Variants in LRP12 observed in about 807,000 individuals in gnomAD.
The protein encoded by LRP12 is LDL receptor related protein 12.
Under a neutral mutation model 66.0 loss-of-function variants are expected in LRP12, and 14 were observed. The observed-to-expected ratio is 0.21, with a 90% CI of 0.14 to 0.33. The LOEUF is 0.33. Ranked by LOEUF, LRP12 falls within the 10% of genes least tolerant of loss-of-function variation. The pLI, the probability that LRP12 is intolerant of heterozygous loss-of-function variation, is 1.00. For missense variants in LRP12, 889 were observed against 1,053.4 expected, an observed-to-expected ratio of 0.84 and a Z score of 2.16; for synonymous variants, 357 against 359.1, an observed-to-expected ratio of 0.99 and a Z score of 0.07.
rs187224148 is a variant in LRP12 at position 104,574,914 on chromosome 8, C to G, written c.79+13905G>C. Among the ~76,000 whole-genome samples, 87 of 151,968 alleles carry G rather than the reference C, an allele frequency of 5.7e-4. 1 individual carries two copies. Among genetic ancestry groups the G allele is most frequent in the African/African-American group, 2.0e-3 (82 of 41,436 alleles). Reference sequence around the variant, plus strand: ...ATCTGAGATGCTTCTAAGAAGGGCACTTAGTTTTGAGGAACCAGGAAGACT... The same window carrying G: ...ATCTGAGATGCTTCTAAGAAGGGCAGTTAGTTTTGAGGAACCAGGAAGACT... On this transcript the variant is annotated intron_variant, in intron 1 of 6. Coordinates refer to ENST00000276654, the MANE Select transcript of LRP12 (RefSeq NM_013437.5).
At chr8:104,522,039 T>C (rs1811160606) in intron 2 of LRP12, among the ~76,000 whole-genome samples, 1 of 152,126 alleles carries the variant, frequency 6.6e-6, no homozygotes, top group South Asian at 2.1e-4. Flanking sequence ...GATTCTTTAT[T>C]TGGAAGATCT....
At chr8:104,580,245 G>A (rs769252205) in intron 1 of LRP12, among the ~76,000 whole-genome samples, 13 of 151,936 alleles carry the variant, frequency 8.6e-5, no homozygotes, top group Non-Finnish European at 1.5e-4. Flanking sequence ...GGCTGGGTGC[G>A]GTGGCTCACG....
In LRP12 at chr8:104,588,494, T is replaced by C. The variant is rs1812372419; in HGVS notation, c.79+325A>G. On this transcript the variant is annotated intron_variant, in intron 1 of 6. Coordinates refer to ENST00000276654, the MANE Select transcript of LRP12 (RefSeq NM_013437.5). ...TCTTTGTGTGTGGATTGTGCCAGGCTACGGGTCCTGGAGCAACTGGCCGCG... is the reference window on the plus strand; with the variant it reads ...TCTTTGTGTGTGGATTGTGCCAGGCCACGGGTCCTGGAGCAACTGGCCGCG... Among the ~76,000 whole-genome samples the C allele has an allele frequency of 2.6e-5, 4 of 152,276 alleles. No homozygotes were observed. The South Asian group carries it at 8.3e-4, about 32-fold the overall frequency.
intron 2 of LRP12, among the ~76,000 whole-genome samples, chr8:104,526,000 AT>A (rs1438460717): frequency 6.6e-6 from 1 of 152,218 alleles, no homozygotes; most frequent in Non-Finnish European, 1.5e-5. Context: ...TACAAAATCA[AT>A]TGTACAAAAA....
At chr8:104,513,570 G>A (rs914358954) in intron 2 of LRP12, among the ~76,000 whole-genome samples, 13 of 152,054 alleles carry the variant, frequency 8.5e-5, no homozygotes, top group Admixed American at 7.2e-4. Context: ...TGACCTCACC[G>A]CTAAATCCAA....
intron 1 of LRP12, among the ~76,000 whole-genome samples, chr8:104,575,792 T>C (rs891721996): frequency 1.3e-5 from 2 of 151,814 alleles, no homozygotes; most frequent in Non-Finnish European, 2.9e-5. Flanking sequence ...ATGACAGAAA[T>C]AGAAATTTGA....
chr8:104,548,367 AAATAT>A lies in LRP12; in HGVS notation c.80-16409_80-16405del, dbSNP rs1335362643. Among the ~76,000 whole-genome samples, 8 of 53,416 alleles carry A rather than the reference AAATAT, an allele frequency of 1.5e-4. 3 individuals carry two copies. The highest frequency in any genetic ancestry group is 9.8e-4 in the African/African-American group (8 of 8,160). The allele number at this position is 53,416 out of a possible 152,430, so 35.0% of individuals were successfully genotyped here. On this transcript the variant is annotated intron_variant, in intron 1 of 6. Coordinates refer to ENST00000276654, the MANE Select transcript of LRP12 (RefSeq NM_013437.5). ...TATAAATATATAATATATATTATAT[AAATAT>A]ATTATATAAATATATAATATATATT...
chr8:104,549,902 T>C (rs1222731690), intron 1 of LRP12, among the ~76,000 whole-genome samples: 1 of 152,186 alleles, frequency 6.6e-6, no homozygotes, highest in African/African-American at 2.4e-5. Flanking sequence ...CCTCAACCAC[T>C]ATTCTTAGTA....
At chr8:104,547,553 C>T (rs1200142428) in intron 1 of LRP12, among the ~76,000 whole-genome samples, 20 of 113,926 alleles carry the variant, frequency 1.8e-4, no homozygotes, top group Admixed American at 2.1e-4. Context: ...TATATAATTA[C>T]ATATTATATA....
intron 1 of LRP12, among the ~76,000 whole-genome samples, chr8:104,561,257 T>C (rs73295177): frequency 0.012 from 1,853 of 152,284 alleles, 36 homozygotes; most frequent in African/African-American, 0.042. Context: ...GGCTCAACAT[T>C]TTTGGCTGGA....
At chr8:104,574,373 A>G (rs1311814950) in intron 1 of LRP12, among the ~76,000 whole-genome samples, 5 of 152,220 alleles carry the variant, frequency 3.3e-5, no homozygotes, top group South Asian at 2.1e-4. Flanking sequence ...CTGCGACCCG[A>G]AAGTTTGGAA....
Position 104,491,223 on chromosome 8 carries a change from T to G in LRP12, c.2030A>C (p.Gln677Pro). 6.2e-7 allele frequency: 1 copy of G among 1,614,036 alleles called. No homozygotes were observed. Among genetic ancestry groups the G allele is most frequent in the South Asian group, 1.1e-5 (1 of 91,070 alleles). ...TACTGCCGTTGTGGGAGGGACTTTT[T>G]GAGGCAAAGGAGCTGCAACCCCACC... ...ASGGVAAPLPQKVPPTTAVEA... is the reference protein window; with the variant it reads ...ASGGVAAPLPPKVPPTTAVEA... Residue 677 changes from glutamine to proline, a missense_variant, in exon 7 of 7, where the codon CAA becomes CCA. Physicochemically the swap from Gln to Pro is moderately conservative, Grantham distance 76 (BLOSUM62 -1). Coordinates refer to ENST00000276654, the MANE Select transcript of LRP12 (RefSeq NM_013437.5).
intron 6 of LRP12, among the ~76,000 whole-genome samples, chr8:104,491,813 A>G (rs570344260): frequency 6.6e-6 from 1 of 152,274 alleles, no homozygotes; most frequent in South Asian, 2.1e-4. Flanking sequence ...TATTTAATGT[A>G]AATTATAACA....
chr8:104,490,354 TA>T lies in LRP12; in HGVS notation c.*318del, dbSNP rs895634215. ...AACAAACCATTTAACATAGGATAGA[TA>T]AAAATGACAATCAAATGAGTTTCAG... On this transcript the variant is annotated 3_prime_UTR_variant, in exon 7 of 7. Transcript: ENST00000276654. 8 of 234,340 alleles carry T rather than the reference TA, an allele frequency of 3.4e-5. No homozygotes were observed. The highest frequency in any genetic ancestry group is 1.6e-4 in the African/African-American group (7 of 43,574). The allele number at this position is 234,340 out of a possible 1,614,324, so 14.5% of individuals were successfully genotyped here. A position where few individuals can be genotyped will look rare whatever the true frequency, so the allele number is the denominator to read the frequency against.
intron 1 of LRP12, among the ~76,000 whole-genome samples, chr8:104,571,724 G>A (rs1588509242): frequency 1.3e-5 from 2 of 152,282 alleles, no homozygotes; most frequent in Non-Finnish European, 1.5e-5. Context: ...ACCACCTGAG[G>A]TCCACCTCCT....
At chr8:104,579,687 G>C (rs1812216181) in intron 1 of LRP12, among the ~76,000 whole-genome samples, 1 of 152,076 alleles carries the variant, frequency 6.6e-6, no homozygotes, top group African/African-American at 2.4e-5. Flanking sequence ...CTACACTACA[G>C]GTCTACAGTA....
chr8:104,536,499 A>G (rs898192374), intron 1 of LRP12, among the ~76,000 whole-genome samples: 1 of 152,078 alleles, frequency 6.6e-6, no homozygotes, highest in Non-Finnish European at 1.5e-5. Flanking sequence ...AGCGACTAGT[A>G]CAAAACATAA....
At position 104,497,751 on chromosome 8, in the gene LRP12, A is replaced by G. The variant is rs139553231; in HGVS notation, c.801T>C (p.Tyr267=). 1 of 1,613,722 alleles carries G rather than the reference A, an allele frequency of 6.2e-7. No individual in the cohort carries two copies. Among genetic ancestry groups the G allele is most frequent in the Non-Finnish European group, 8.5e-7 (1 of 1,179,886 alleles). ...PTCGQWLKYF[Y]GTFNSPNYPD... is the part of the protein sequence containing the mutation. Reference sequence around the variant, plus strand: ...GATAATTGGGAGAATTAAAAGTACCATAAAAATATTTTAGCCATTGCCCAC... The same window carrying G: ...GATAATTGGGAGAATTAAAAGTACCGTAAAAATATTTTAGCCATTGCCCAC... The change falls in exon 5 of 7, where the codon TAT becomes TAC. Residue 267 remains tyrosine (Y), a synonymous_variant. Coordinates refer to ENST00000276654, the MANE Select transcript of LRP12 (RefSeq NM_013437.5). This position sits in a 1 kb window ranked among gnomAD's most constrained non-coding sequence, Gnocchi z 4.3.
intron 4 of LRP12, among the ~76,000 whole-genome samples, chr8:104,498,608 AT>A (rs1231822051): frequency 6.6e-6 from 1 of 151,964 alleles, no homozygotes; most frequent in Admixed American, 6.6e-5. Flanking sequence ...ATGTACCAAC[AT>A]TTTCTTTACC....
Sources: allele counts gnomAD v4.1 joint callset (sites outside exome capture counted in the v4.1 genomes callset), GRCh38; gene constraint gnomAD v4.1.1; non-coding constraint Gnocchi (gnomAD v3.1); transcripts MANE v1.5; gene names NCBI Gene and HGNC (gene_info 2026-07-23, HGNC 2026-07-21).